Variants in UIMC1 observed in about 807,000 individuals in gnomAD.
The protein encoded by UIMC1 is BRCA1-A complex subunit RAP80.
A neutral mutation model predicts 84.9 loss-of-function variants in UIMC1; 42 were observed. The observed-to-expected ratio is 0.49, with a 90% CI of 0.39 to 0.64. The LOEUF is 0.64. Among genes scored for constraint, UIMC1 ranks in the 30% least tolerant of loss-of-function variants. UIMC1 has a pLI of 0.00. For synonymous variants in UIMC1, 281 were observed against 293.0 expected, an observed-to-expected ratio of 0.96 and a Z score of 0.42; for missense variants, 825 against 847.6, an observed-to-expected ratio of 0.97 and a Z score of 0.33.
chr5:176,959,823 G>T (rs1412477821), intron 6 of UIMC1, among the ~76,000 whole-genome samples: 1 of 151,826 alleles, frequency 6.6e-6, no homozygotes, highest in African/African-American at 2.4e-5. Flanking sequence ...CCTGAGGTCG[G>T]GAGTTCAAGA....
chr5:176,969,822 T>C (rs2149484993), intron 4 of UIMC1, 116 bp from the exon 5 acceptor site: 3 of 795,018 alleles, frequency 3.8e-6, no homozygotes, highest in East Asian at 2.7e-5. Flanking sequence ...CTTTCTAAAA[T>C]GTAAATGGCT....
rs376228824 is a variant in UIMC1, at chr5:177,017,156, G to A, written c.-9+5308C>T. On this transcript the variant is annotated intron_variant, in intron 1 of 5. Coordinates refer to the UIMC1 transcript ENST00000509236. ...TTGGTAGTTCCACAGTTCTCCTCAA[G>A]AGCACCCCTTCTGTTCTGGACCAAT... Among the ~76,000 whole-genome samples, 8 of 152,336 alleles carry A rather than the reference G, an allele frequency of 5.3e-5. No homozygotes were observed. In the East Asian group the frequency reaches 7.7e-4, roughly 15 times the overall value.
chr5:176,978,267 C>A (rs353462), intron 2 of UIMC1, among the ~76,000 whole-genome samples: 2 of 152,004 alleles, frequency 1.3e-5, no homozygotes, highest in African/African-American at 4.8e-5. Context: ...CAGCTACTCG[C>A]GAGGCTGAGG....
At position 176,943,401 on chromosome 5, in the gene UIMC1, A is replaced by G. The variant is rs13360277; in HGVS notation, c.1531T>C (p.Cys511Arg). The G allele has an allele frequency of 0.063, 100,985 of 1,614,004 alleles. 8,380 individuals are homozygous for G. The highest frequency in any genetic ancestry group is 0.39 in the African/African-American group (28,951 of 74,940). The part of the protein sequence containing the change: ...NQVSCPLCDQ[C>R]FPPTKIERHA... ...CGTTCAATCTTTGTGGGTGGAAAGC[A>G]TTGGTCACATAGCGGGCAGGATACC... is the stretch of plus-strand genomic sequence containing the variant. Residue 511 changes from cysteine to arginine, a missense_variant, in exon 10 of 15, where the codon TGC becomes CGC. Coordinates refer to ENST00000511320, the MANE Select transcript of UIMC1 (RefSeq NM_001199298.2).
intron 1 of UIMC1, among the ~76,000 whole-genome samples, chr5:176,986,869 C>A (rs758219873): frequency 1.9e-4 from 29 of 152,038 alleles, no homozygotes; most frequent in Non-Finnish European, 2.8e-4. Context: ...GTAAAACTAT[C>A]ACGATTTGCA....
chr5:176,956,233 A>T (rs972022438), intron 7 of UIMC1, among the ~76,000 whole-genome samples, 198 bp from the exon 8 acceptor site: 1 of 152,250 alleles, frequency 6.6e-6, no homozygotes, highest in Non-Finnish European at 1.5e-5. Context: ...TATGCTTACA[A>T]CTTCAGTTCC....
intron 10 of UIMC1, among the ~76,000 whole-genome samples, chr5:176,939,027 A>T (rs1200839345): frequency 1.3e-5 from 2 of 151,862 alleles, no homozygotes; most frequent in African/African-American, 4.8e-5. Flanking sequence ...CCAAGGCGGG[A>T]TGCCTGCTTG....
intron 6 of UIMC1, 48 bp downstream of exon 6, chr5:176,968,507 T>C (rs1332858383): frequency 1.5e-5 from 23 of 1,533,868 alleles, no homozygotes; most frequent in Non-Finnish European, 1.8e-5. Context: ...AATCCTTGTT[T>C]TAATCTGTGA....
chr5:176,930,974 G>A (rs80137741), intron 10 of UIMC1, among the ~76,000 whole-genome samples: 334 of 152,330 alleles, frequency 2.2e-3, no homozygotes, highest in African/African-American at 7.7e-3. Flanking sequence ...AACCGACTGA[G>A]GCTTCCACGG....
rs1228268899 is a variant in UIMC1, at chr5:176,949,918, G to A, written c.1443+1556C>T. Among the ~76,000 whole-genome samples the A allele has an allele frequency of 1.3e-5, 2 of 151,868 alleles. 1 individual carries two copies. The highest frequency in any genetic ancestry group is 3.9e-4 in the East Asian group (2 of 5,104). ...AAAATACAAAAATTAGCTGGGCATG[G>A]TGGCGGGCACCTGTAATCCTAGTTA... On this transcript the variant is annotated intron_variant, in intron 9 of 14. Coordinates refer to ENST00000511320, the MANE Select transcript of UIMC1 (RefSeq NM_001199298.2).
intron 10 of UIMC1, among the ~76,000 whole-genome samples, chr5:176,915,590 G>A (rs1051803866): frequency 1.3e-5 from 2 of 151,296 alleles, no homozygotes; most frequent in Non-Finnish European, 2.9e-5. Flanking sequence ...TGAGTAGCTG[G>A]GATTACAGGC....
Position 176,995,594 on chromosome 5 carries a change from A to G in UIMC1, c.-9+11056T>C, listed in dbSNP as rs546291869. On this transcript the variant is annotated intron_variant, in intron 1 of 14. Transcript: ENST00000511320. ...CACGGTGGCTCACACCTGTAATCCTAGCACTTTGGGAGTCCAAGGCGGGTG... is the reference window on the plus strand; with the variant it reads ...CACGGTGGCTCACACCTGTAATCCTGGCACTTTGGGAGTCCAAGGCGGGTG... Among the ~76,000 whole-genome samples the G allele has an allele frequency of 3.3e-5, 5 of 150,362 alleles. No homozygotes were observed. In the South Asian group the frequency reaches 8.4e-4, roughly 25 times the overall value.
At chr5:176,940,329 G>C (rs1050160405) in intron 10 of UIMC1, among the ~76,000 whole-genome samples, 2 of 152,190 alleles carry the variant, frequency 1.3e-5, no homozygotes, top group African/African-American at 4.8e-5. Flanking sequence ...GGAGATGTCA[G>C]TAGAAGCTAT....
At position 176,969,177 on chromosome 5, in the gene UIMC1, G is replaced by A. The variant is rs575901662; in HGVS notation, c.578C>T (p.Pro193Leu). 3.5e-5 allele frequency: 56 copies of A among 1,614,158 alleles called. No individual in the cohort carries two copies. In the South Asian group the frequency reaches 4.7e-4, roughly 14 times the overall value. The stretch of plus-strand genomic sequence containing the variant: ...CCAGCTTCCTGAGCTGCCAGAGACC[G>A]GCTCCTCTTCAGTTTTTTCAGTGTG... Reference protein sequence around the residue: ...WDHTEKTEEEPVSGSSGSWDQ... With the variant: ...WDHTEKTEEELVSGSSGSWDQ... The change falls in exon 6 of 15, where the codon CCG becomes CTG. Residue 193 changes from proline (P) to leucine (L), a missense_variant. Physicochemically the swap from Pro to Leu is moderately conservative, Grantham distance 98 (BLOSUM62 -3). Coordinates refer to ENST00000511320, the MANE Select transcript of UIMC1 (RefSeq NM_001199298.2).
At chr5:176,914,582 T>A (rs1760725573) in intron 10 of UIMC1, among the ~76,000 whole-genome samples, 1 of 152,116 alleles carries the variant, frequency 6.6e-6, no homozygotes, top group South Asian at 2.1e-4. Flanking sequence ...CAACCCAAGG[T>A]GTAAAGAGAT....
chr5:176,951,973 A>G (rs1182787731), intron 8 of UIMC1, among the ~76,000 whole-genome samples: 1 of 152,126 alleles, frequency 6.6e-6, no homozygotes, highest in Non-Finnish European at 1.5e-5. Context: ...TGTTCCTATA[A>G]TTTTGTCTCT....
At position 176,908,627 on chromosome 5, in the gene UIMC1, A is replaced by C; in HGVS notation, c.1744T>G (p.Cys582Gly). 4 of 1,614,222 alleles carry C rather than the reference A, an allele frequency of 2.5e-6. No homozygotes were observed. Among genetic ancestry groups the C allele is most frequent in the Non-Finnish European group, 2.5e-6 (3 of 1,180,010 alleles). Residue 582 changes from cysteine to glycine, a missense_variant, in exon 12 of 15, where the codon TGT (cysteine) becomes GGT (glycine). Transcript: ENST00000511320. The stretch of plus-strand genomic sequence containing the variant: ...TGGTCAGCCTTTGCAAGCTGGAGAC[A>C]GGAGTCCACATGACACTGATACTCT... Reference protein sequence around the residue: ...FREYQCHVDSCLQLAKADQGD... With the variant: ...FREYQCHVDSGLQLAKADQGD...
chr5:177,005,382 G>A (rs971419480), intron 1 of UIMC1, among the ~76,000 whole-genome samples: 2 of 151,936 alleles, frequency 1.3e-5, no homozygotes, highest in South Asian at 2.1e-4. Flanking sequence ...TCGACCAAGC[G>A]CTCTAATAAC....
chr5:176,983,565 C>A (rs950534895), intron 1 of UIMC1, among the ~76,000 whole-genome samples: 2 of 152,162 alleles, frequency 1.3e-5, no homozygotes, highest in Non-Finnish European at 2.9e-5. Context: ...AGTGCAGTGG[C>A]ATGATCTCGG....
Sources: allele counts gnomAD v4.1 joint callset (sites outside exome capture counted in the v4.1 genomes callset), GRCh38; gene constraint gnomAD v4.1.1; transcripts MANE v1.5; gene names NCBI Gene and HGNC (gene_info 2026-07-23, HGNC 2026-07-21).